The following TUBGCP3 variants were observed in gnomAD, a reference collection of about 807,000 sequenced individuals.
TUBGCP3 encodes the protein tubulin gamma complex component 3, also known as gamma-tubulin complex component 3.
Under a neutral mutation model 123.1 loss-of-function variants are expected in TUBGCP3, and 50 were observed. The ratio of observed to expected loss-of-function variants is 0.41; its 90% confidence interval spans 0.32 to 0.51. TUBGCP3 has a LOEUF of 0.51. Among genes scored for constraint, TUBGCP3 ranks in the 20% least tolerant of loss-of-function variants. TUBGCP3 has a pLI of 0.36. For synonymous variants in TUBGCP3, 405 were observed against 413.9 expected (o/e 0.98, Z 0.26); for missense variants, 882 against 1,127.0 (o/e 0.78, Z 3.11).
chr13:112,559,193 C>T (rs987407518), intron 4 of TUBGCP3, 129 bp downstream of exon 4: 15 of 678,180 alleles, frequency 2.2e-5, no homozygotes, highest in Admixed American at 7.3e-5. Flanking sequence ...AAAGAAATCT[C>T]TTGACCTTCC....
In TUBGCP3 at chr13:112,565,127, C is replaced by T. The variant is rs746027230; in HGVS notation, c.236G>A (p.Arg79Lys). ...ADAALFSELH[R>K]KLHSQGVLKN... Reference sequence around the variant, plus strand: ...GCACTGTACCTGTGAATGAAGTTTTCTGTGGAGTTCTGAAAATAATGCAGC... The same window carrying T: ...GCACTGTACCTGTGAATGAAGTTTTTTGTGGAGTTCTGAAAATAATGCAGC... The change falls in exon 3 of 22, where the codon AGA becomes AAA. Residue 79 changes from arginine (R) to lysine (K), a missense_variant. Physicochemically the swap from Arg to Lys is conservative, Grantham distance 26. Around this residue, in one of 3 missense-constraint regions of TUBGCP3, gnomAD observed 713 missense variants for 874.0 expected, o/e 0.82. Transcript: ENST00000261965. 6 of 1,613,646 alleles carry T rather than the reference C, an allele frequency of 3.7e-6. No individual in the cohort carries two copies. The highest frequency in any genetic ancestry group is 4.2e-6 in the Non-Finnish European group (5 of 1,179,974).
chr13:112,527,570 C>G, intron 11 of TUBGCP3, 86 bp from the exon 12 acceptor site: 1 of 932,224 alleles, frequency 1.1e-6, no homozygotes, highest in South Asian at 1.4e-5. Flanking sequence ...GTAAGTTATT[C>G]TAGAAAGCCA....
intron 3 of TUBGCP3, among the ~76,000 whole-genome samples, chr13:112,560,930 T>C (rs1250331807): frequency 1.3e-5 from 2 of 152,094 alleles, no homozygotes; most frequent in Non-Finnish European, 2.9e-5. Context: ...TGGAGGAGAC[T>C]CGAGTCTCCT....
rs1876913183 is a variant in TUBGCP3 at position 112,524,780 on chromosome 13, G to C, written c.1555+2162C>G. On this transcript the variant is annotated intron_variant, in intron 13 of 21. Transcript: ENST00000261965. This position sits in a 1 kb window ranked among gnomAD's most constrained non-coding sequence, Gnocchi z 4.4. Reference sequence around the variant, plus strand: ...GTCCTGAGTTACCATGGTGAGATAAGTGCTTCCAAAATCTCTATATTCGGC... The same window carrying C: ...GTCCTGAGTTACCATGGTGAGATAACTGCTTCCAAAATCTCTATATTCGGC... Among the ~76,000 whole-genome samples the C allele has an allele frequency of 6.6e-6, 1 of 152,202 alleles. No individual in the cohort carries two copies. The highest frequency in any genetic ancestry group is 1.5e-5 in the Non-Finnish European group (1 of 68,032).
At chr13:112,564,796 T>C (rs1371745506) in intron 3 of TUBGCP3, among the ~76,000 whole-genome samples, 1 of 152,244 alleles carries the variant, frequency 6.6e-6, no homozygotes, top group African/African-American at 2.4e-5. Context: ...AGTTTAGCTA[T>C]TATATGAAGA....
intron 13 of TUBGCP3, among the ~76,000 whole-genome samples, chr13:112,526,663 CA>C (rs1877142928): frequency 6.6e-6 from 1 of 150,826 alleles, no homozygotes; most frequent in African/African-American, 2.4e-5. Context: ...CATCCATCCC[CA>C]ACATCATCAC....
intron 5 of TUBGCP3, among the ~76,000 whole-genome samples, chr13:112,557,607 T>C (rs934642197): frequency 6.6e-6 from 1 of 152,208 alleles, no homozygotes; most frequent in Non-Finnish European, 1.5e-5. Context: ...CAAAGTTCCA[T>C]CCATGAATGA....
At chr13:112,507,942 G>A (rs1286345404) in intron 17 of TUBGCP3, among the ~76,000 whole-genome samples, 1 of 152,030 alleles carries the variant, frequency 6.6e-6, no homozygotes, top group African/African-American at 2.4e-5. Flanking sequence ...TGTCACACTG[G>A]GAAATAAAAA....
intron 6 of TUBGCP3, 36 bp from the exon 7 acceptor site, chr13:112,555,041 A>G (rs1879912448): frequency 7.6e-7 from 1 of 1,322,004 alleles, no homozygotes; most frequent in Non-Finnish European, 1.1e-6. Context: ...TAATTACTAG[A>G]CAATATTTTA....
chr13:112,498,937 C>A (rs749054728), intron 20 of TUBGCP3, 108 bp downstream of exon 20: 1 of 1,613,984 alleles, frequency 6.2e-7, no homozygotes, highest in Non-Finnish European at 8.5e-7. Flanking sequence ...ACATCTCAAC[C>A]TGTCTGACAA....
chr13:112,602,621 A>T, the TUBGCP3 span, among the ~76,000 whole-genome samples: 6 of 152,224 alleles, frequency 3.9e-5, no homozygotes, highest in Non-Finnish European at 8.8e-5. Flanking sequence ...ATAGGAGAGG[A>T]AAACATTTGT....
chr13:112,548,448 G>A (rs1014423369), intron 8 of TUBGCP3, among the ~76,000 whole-genome samples: 2 of 152,148 alleles, frequency 1.3e-5, no homozygotes, highest in South Asian at 4.1e-4. Context: ...GAAGTGTAGT[G>A]ACTTTAGAGA....
chr13:112,594,933 C>A, the TUBGCP3 span, among the ~76,000 whole-genome samples: 2 of 152,090 alleles, frequency 1.3e-5, no homozygotes, highest in South Asian at 2.1e-4. Context: ...GATTTTAATT[C>A]TTTTAAATAT....
At chr13:112,522,680 T>C (rs1876722495) in intron 13 of TUBGCP3, among the ~76,000 whole-genome samples, 171 bp from the exon 14 acceptor site, 1 of 152,180 alleles carries the variant, frequency 6.6e-6, no homozygotes, top group African/African-American at 2.4e-5. Context: ...ACCAGAGCCC[T>C]AAGACCACAC....
intron 20 of TUBGCP3, among the ~76,000 whole-genome samples, chr13:112,492,558 T>C (rs1566527421): frequency 6.7e-6 from 1 of 149,578 alleles, no homozygotes; most frequent in Non-Finnish European, 1.5e-5. Flanking sequence ...GCCCTGGCTA[T>C]GGGAACAGGG....
chr13:112,551,076 G>C (rs915109097), intron 8 of TUBGCP3, among the ~76,000 whole-genome samples: 1 of 152,044 alleles, frequency 6.6e-6, no homozygotes, highest in African/African-American at 2.4e-5. Context: ...TCCAGCCTGG[G>C]TGACAGAGCG....
intron 13 of TUBGCP3, among the ~76,000 whole-genome samples, chr13:112,523,216 C>A (rs1876768042): frequency 6.6e-6 from 1 of 152,188 alleles, no homozygotes; most frequent in Non-Finnish European, 1.5e-5. Flanking sequence ...TAGACAATAA[C>A]CCCAGTGGGA....
intron 20 of TUBGCP3, among the ~76,000 whole-genome samples, chr13:112,492,994 C>A: frequency 7.4e-6 from 1 of 134,690 alleles, no homozygotes; most frequent in Non-Finnish European, 1.6e-5. Flanking sequence ...GGCCTGGTGT[C>A]CTTGAGACTC....
chr13:112,499,184 G>A lies in TUBGCP3; in HGVS notation c.2309C>T (p.Ala770Val). 6.2e-7 allele frequency: 1 copy of A among 1,601,348 alleles called. No homozygotes were observed. Among genetic ancestry groups the A allele is most frequent in the Non-Finnish European group, 8.5e-7 (1 of 1,175,378 alleles). The change falls in exon 20 of 22, where the codon GCA becomes GTA. Residue 770 changes from alanine to valine, a missense_variant and splice_region_variant. By Grantham distance (64) the Ala-to-Val change is moderately conservative. Coordinates refer to ENST00000261965, the MANE Select transcript of TUBGCP3 (RefSeq NM_006322.6). Reference sequence around the variant, plus strand: ...CACAGCTCTAAGTTGATTTAAAAGTGCCTGAAAGAGATGACAATGTTTTAT... The same window carrying A: ...CACAGCTCTAAGTTGATTTAAAAGTACCTGAAAGAGATGACAATGTTTTAT... The part of the protein sequence containing the change: ...SRCLLDSDSR[A>V]LLNQLRAVFD...
Sources: gnomAD v4.1 joint callset for allele counts (sites outside exome capture counted in the v4.1 genomes callset) on GRCh38, gnomAD v4.1.1 for gene constraint, gnomAD v4.1.1 regional missense constraint, Gnocchi (gnomAD v3.1) non-coding constraint, MANE v1.5 for transcripts, NCBI Gene and HGNC (gene_info 2026-07-23, HGNC 2026-07-21) for gene names.